The following PDE4B variants were observed in gnomAD, a reference collection of about 807,000 sequenced individuals.
PDE4B encodes 3',5'-cyclic-AMP phosphodiesterase 4B.
Under a neutral mutation model 82.2 loss-of-function variants are expected in PDE4B, and 20 were observed. The ratio of observed to expected loss-of-function variants is 0.24; its 90% CI spans 0.17 to 0.35. The LOEUF is 0.35. PDE4B is among the 10% of genes least tolerant of loss of function. The probability of loss-of-function intolerance (pLI) is 1.00; values close to 1 mark genes in which losing one functional copy is unlikely to be tolerated. For missense variants in PDE4B, 655 were observed against 907.2 expected (o/e 0.72, Z 3.57); for synonymous variants, 320 against 318.9 (o/e 1.00, Z -0.04).
intron 3 of PDE4B, among the ~76,000 whole-genome samples, chr1:66,165,104 A>G (rs1162724540): frequency 2.0e-5 from 3 of 152,088 alleles, no homozygotes; most frequent in Non-Finnish European, 4.4e-5. Context: ...CACTGCTGCT[A>G]TATCTAATTA....
chr1:66,362,435 A>C (rs570488867), intron 10 of PDE4B, among the ~76,000 whole-genome samples: 2 of 152,274 alleles, frequency 1.3e-5, no homozygotes, highest in African/African-American at 4.8e-5. Flanking sequence ...AAATGAGCTT[A>C]CTGTGAGCAG....
intron 3 of PDE4B, among the ~76,000 whole-genome samples, chr1:66,026,342 T>C (rs1009529255): frequency 3.9e-5 from 6 of 152,220 alleles, no homozygotes; most frequent in Non-Finnish European, 8.8e-5. Flanking sequence ...GGTCCCTTTC[T>C]ATGTCTAGCT....
intron 1 of PDE4B, among the ~76,000 whole-genome samples, chr1:65,856,582 G>A (rs1158534207): frequency 6.6e-6 from 1 of 152,142 alleles, no homozygotes; most frequent in East Asian, 1.9e-4. Context: ...GTCTATCACT[G>A]GTGGGCATTT....
At chr1:66,017,160 A>G (rs2100755963) in intron 3 of PDE4B, among the ~76,000 whole-genome samples, 1 of 152,220 alleles carries the variant, frequency 6.6e-6, no homozygotes, top group Admixed American at 6.5e-5. Flanking sequence ...CAGACTGTTG[A>G]ATATTAGAGC....
intron 3 of PDE4B, among the ~76,000 whole-genome samples, chr1:66,031,191 G>A (rs1222597121): frequency 1.3e-5 from 2 of 152,050 alleles, no homozygotes. Context: ...TACATTTCCA[G>A]GTATTTAAAG....
At chr1:66,254,543 C>T (rs1265467845) in intron 4 of PDE4B, among the ~76,000 whole-genome samples, 1 of 152,072 alleles carries the variant, frequency 6.6e-6, no homozygotes, top group Non-Finnish European at 1.5e-5. Flanking sequence ...ATCTATAGCT[C>T]GAATTCCCAT....
At chr1:66,306,695 G>A (rs1166051436) in intron 7 of PDE4B, among the ~76,000 whole-genome samples, 1 of 152,114 alleles carries the variant, frequency 6.6e-6, no homozygotes, top group East Asian at 1.9e-4. Flanking sequence ...TCATGATAAT[G>A]CCCAATCCCT....
At chr1:65,878,493 A>G (rs1346560283) in intron 1 of PDE4B, among the ~76,000 whole-genome samples, 1 of 152,240 alleles carries the variant, frequency 6.6e-6, no homozygotes, top group Non-Finnish European at 1.5e-5. Context: ...AATGCCCATC[A>G]ATGTTAGACT....
chr1:66,204,803 G>A (rs1649405870), intron 3 of PDE4B, among the ~76,000 whole-genome samples: 1 of 152,344 alleles, frequency 6.6e-6, no homozygotes, highest in African/African-American at 2.4e-5. Context: ...TCCAGAGGGA[G>A]GCAATGCCTT....
chr1:65,996,980 G>A (rs1451930962), intron 3 of PDE4B, among the ~76,000 whole-genome samples: 1 of 152,140 alleles, frequency 6.6e-6, no homozygotes, highest in African/African-American at 2.4e-5. Flanking sequence ...GCCTGCCTGT[G>A]CTTGCCTGGT....
At chr1:66,107,445 A>T (rs980072632) in intron 3 of PDE4B, among the ~76,000 whole-genome samples, 1 of 151,944 alleles carries the variant, frequency 6.6e-6, no homozygotes, top group Non-Finnish European at 1.5e-5. Flanking sequence ...TGAGCTTAAA[A>T]ATTGTTTTGA....
At chr1:66,164,754 T>C (rs1441317900) in intron 3 of PDE4B, among the ~76,000 whole-genome samples, 4 of 114,966 alleles carry the variant, frequency 3.5e-5, no homozygotes, top group African/African-American at 1.5e-4. Flanking sequence ...TCTTTTCTTT[T>C]CTTTTTTTTT....
chr1:65,975,606 GC>G (rs754858077), intron 3 of PDE4B, among the ~76,000 whole-genome samples: 2 of 152,184 alleles, frequency 1.3e-5, no homozygotes, highest in Non-Finnish European at 2.9e-5. Context: ...CCCATTACAG[GC>G]CCAGAGGTGT....
rs150976503 is a variant in PDE4B at position 66,261,434 on chromosome 1, A to G, written c.584+3571A>G. ...ACAGCTGAAACTGTAGAATTCATGGAACTCAGATATTCCTTTCTGATATAC... is the reference window on the plus strand; with the variant it reads ...ACAGCTGAAACTGTAGAATTCATGGGACTCAGATATTCCTTTCTGATATAC... On this transcript the variant is annotated intron_variant, in intron 6 of 16. Transcript: ENST00000341517. 1.7e-3 allele frequency among the ~76,000 whole-genome samples: 261 copies of G among 152,302 alleles called. 1 individual carries two copies. Among genetic ancestry groups the G allele is most frequent in the African/African-American group, 5.5e-3 (229 of 41,568 alleles).
intron 3 of PDE4B, among the ~76,000 whole-genome samples, chr1:66,028,811 C>G (rs1653598152): frequency 6.6e-6 from 1 of 152,222 alleles, no homozygotes; most frequent in Non-Finnish European, 1.5e-5. Flanking sequence ...TTCCTCATCT[C>G]CATCTGAGAC....
chr1:65,916,519 A>T (rs1161328872), intron 2 of PDE4B, among the ~76,000 whole-genome samples: 1 of 152,192 alleles, frequency 6.6e-6, no homozygotes, highest in Non-Finnish European at 1.5e-5. Context: ...TGTGTCTTAC[A>T]TAAGAGATAA....
At chr1:66,238,519 G>A (rs1360186628) in intron 3 of PDE4B, among the ~76,000 whole-genome samples, 1 of 152,180 alleles carries the variant, frequency 6.6e-6, no homozygotes, top group African/African-American at 2.4e-5. Context: ...GAGATCCATG[G>A]GGTGGCTATT....
chr1:66,161,592 G>A (rs1034725695), intron 3 of PDE4B, among the ~76,000 whole-genome samples: 2 of 151,904 alleles, frequency 1.3e-5, no homozygotes, highest in African/African-American at 4.8e-5. Flanking sequence ...TTTAAGTTAT[G>A]TACCAAACCT....
chr1:66,175,560 A>C (rs1036520053), intron 3 of PDE4B, among the ~76,000 whole-genome samples: 1 of 152,190 alleles, frequency 6.6e-6, no homozygotes, highest in Admixed American at 6.5e-5. Context: ...TCCAATCAAC[A>C]ACTTTTTTAT....
Sources: allele counts gnomAD v4.1 joint callset (sites outside exome capture counted in the v4.1 genomes callset), GRCh38; gene constraint gnomAD v4.1.1; transcripts MANE v1.5; gene names NCBI Gene and HGNC (gene_info 2026-07-23, HGNC 2026-07-21).